Variants in ADGB observed in about 807,000 individuals in gnomAD.
ADGB encodes calpain-7-like protein.
A neutral mutation model predicts 210.5 loss-of-function variants in ADGB; 172 were observed. That is an observed-to-expected ratio of 0.82 (90% CI 0.72 to 0.93). ADGB has a LOEUF of 0.93. Ranked by LOEUF, ADGB falls within the 40% of genes least tolerant of loss-of-function variation. The pLI, the probability that ADGB is intolerant of heterozygous loss-of-function variation, is 0.00. For synonymous variants in ADGB, 658 were observed against 662.7 expected (o/e 0.99, Z 0.11); for missense variants, 2,025 against 1,964.8 (o/e 1.03, Z -0.58).
At chr6:146,688,527 A>G (rs1221438154) in intron 10 of ADGB, among the ~76,000 whole-genome samples, 1 of 152,148 alleles carries the variant, frequency 6.6e-6, no homozygotes, top group African/African-American at 2.4e-5. Context: ...GAGAAGACTT[A>G]AAGGCAGCTT....
At chr6:146,693,179 G>A (rs576472874) in intron 12 of ADGB, among the ~76,000 whole-genome samples, 1 of 152,256 alleles carries the variant, frequency 6.6e-6, no homozygotes, top group African/African-American at 2.4e-5. Context: ...AAATTCATAG[G>A]TTAAAGTTCT....
At chr6:146,659,232 G>A (rs114034604) in intron 5 of ADGB, among the ~76,000 whole-genome samples, 1 of 151,980 alleles carries the variant, frequency 6.6e-6, no homozygotes, top group Admixed American at 6.6e-5. Context: ...TCTGTCATTT[G>A]CTTCTCTCTG....
At chr6:146,701,294 G>A (rs899741447) in intron 13 of ADGB, among the ~76,000 whole-genome samples, 9 of 151,882 alleles carry the variant, frequency 5.9e-5, no homozygotes, top group African/African-American at 1.7e-4. Flanking sequence ...ATTTTCTGTC[G>A]GCCACTCAGA....
chr6:146,660,736 G>A (rs920901057), intron 5 of ADGB, among the ~76,000 whole-genome samples: 3 of 151,852 alleles, frequency 2.0e-5, no homozygotes, highest in Admixed American at 1.3e-4. Context: ...CCATTTGTAC[G>A]GACTTCTTTT....
At chr6:146,679,462 T>C (rs1776128881) in intron 9 of ADGB, among the ~76,000 whole-genome samples, 1 of 152,196 alleles carries the variant, frequency 6.6e-6, no homozygotes, top group African/African-American at 2.4e-5. Flanking sequence ...AACTGCGATA[T>C]AAACTCCACT....
intron 16 of ADGB, among the ~76,000 whole-genome samples, chr6:146,719,943 T>C (rs1776790498): frequency 6.6e-6 from 1 of 152,204 alleles, no homozygotes; most frequent in African/African-American, 2.4e-5. Context: ...GGAGTAAACA[T>C]TTAAGTCATG....
At chr6:146,692,439 C>A (rs1168437755) in intron 11 of ADGB, among the ~76,000 whole-genome samples, 1 of 152,112 alleles carries the variant, frequency 6.6e-6, no homozygotes, top group East Asian at 1.9e-4. Context: ...ACATTTCCTC[C>A]TTATATCCTA....
intron 3 of ADGB, among the ~76,000 whole-genome samples, chr6:146,646,599 C>T (rs1313584452): frequency 6.6e-6 from 1 of 152,046 alleles, no homozygotes; most frequent in Non-Finnish European, 1.5e-5. Context: ...GAAAAGAAAC[C>T]TTTCAGTGGG....
intron 11 of ADGB, 142 bp downstream of exon 11, chr6:146,691,432 A>ATATATT (rs1776310730): frequency 5.8e-5 from 2 of 34,358 alleles, no homozygotes; most frequent in Non-Finnish European, 9.0e-5. Flanking sequence ...ATATATATAT[A>ATATATT]TATATATATA....
chr6:146,664,162 G>T (rs1775904995), intron 5 of ADGB, 39 bp from the exon 6 acceptor site: 2 of 1,504,712 alleles, frequency 1.3e-6, no homozygotes, highest in Non-Finnish European at 1.8e-6. Context: ...AAGACTGTAA[G>T]CCATTGATGG....
intron 29 of ADGB, among the ~76,000 whole-genome samples, chr6:146,780,597 CA>C (rs1383161611): frequency 2.0e-5 from 3 of 151,022 alleles, no homozygotes; most frequent in Non-Finnish European, 4.4e-5. Context: ...TTAATAGAGA[CA>C]AAAAAAAGAT....
Position 146,740,385 on chromosome 6 carries a change from T to C in ADGB, c.2889-74T>C, listed in dbSNP as rs1282329640. ...CAATATCTTATACTATTTTTTGTCA[T>C]TTCTTTTTGTAAATAGAGTTTATCT... On this transcript the variant is annotated intron_variant, in intron 23 of 35. Transcript: ENST00000397944. 3.8e-6 allele frequency: 5 copies of C among 1,310,180 alleles called. No individual in the cohort carries two copies. The African/African-American group carries it at 6.0e-5, about 16-fold the overall frequency. 81.2% of individuals were successfully genotyped at this position (1,310,180 alleles called of 1,614,324 possible). A position where few individuals can be genotyped will look rare whatever the true frequency, so the allele number is the denominator to read the frequency against.
At chr6:146,650,397 C>T (rs1004861565) in intron 3 of ADGB, among the ~76,000 whole-genome samples, 1 of 151,806 alleles carries the variant, frequency 6.6e-6, no homozygotes, top group Non-Finnish European at 1.5e-5. Flanking sequence ...GAAGACTCTC[C>T]TTAACTCTAT....
At chr6:146,673,720 A>G (rs563805560) in intron 8 of ADGB, among the ~76,000 whole-genome samples, 1 of 152,322 alleles carries the variant, frequency 6.6e-6, no homozygotes, top group South Asian at 2.1e-4. Context: ...GCAGAGCAAG[A>G]TAGATGGTGG....
chr6:146,644,814 A>G lies in ADGB; in HGVS notation c.279A>G (p.Pro93=), dbSNP rs1229821919. ...EDPEGKIELP[P]SLKIYSWKRP... Reference sequence around the variant, plus strand: ...CTGAAGGAAAGATTGAGTTACCACCATCCTTGAAAATTTATTCCTGGAAAC... The same window carrying G: ...CTGAAGGAAAGATTGAGTTACCACCGTCCTTGAAAATTTATTCCTGGAAAC... Residue 93 remains proline, a synonymous_variant, in exon 3 of 36, where the codon CCA becomes CCG. Coordinates refer to ENST00000397944, the MANE Select transcript of ADGB (RefSeq NM_024694.4). 6.7e-7 allele frequency: 1 copy of G among 1,493,132 alleles called. No homozygotes were observed. The highest frequency in any genetic ancestry group is 8.9e-7 in the Non-Finnish European group (1 of 1,121,168). The allele number at this position is 1,493,132 out of a possible 1,614,324, so 92.5% of individuals were successfully genotyped here. A position where few individuals can be genotyped will look rare whatever the true frequency, so the allele number is the denominator to read the frequency against.
At chr6:146,700,913 GAA>G in intron 12 of ADGB, 26 bp from the exon 13 acceptor site, 1 of 1,533,610 alleles carries the variant, frequency 6.5e-7, no homozygotes, top group Non-Finnish European at 8.8e-7. Flanking sequence ...CAAAATAACA[GAA>G]GTTTGGGGTT....
At chr6:146,666,714 T>A in intron 6 of ADGB, 102 bp from the exon 7 acceptor site, 1 of 625,584 alleles carries the variant, frequency 1.6e-6, no homozygotes, top group Non-Finnish European at 2.7e-6. Context: ...CTATAATGAA[T>A]AATCAGAATA....
At chr6:146,798,471 C>A (rs1055771718) in intron 33 of ADGB, among the ~76,000 whole-genome samples, 2 of 152,116 alleles carry the variant, frequency 1.3e-5, no homozygotes, top group African/African-American at 4.8e-5. Context: ...AAACATCATA[C>A]TTAAAGGTGA....
chr6:146,789,089 G>A (rs1255603533), intron 33 of ADGB, among the ~76,000 whole-genome samples: 1 of 152,152 alleles, frequency 6.6e-6, no homozygotes, highest in Non-Finnish European at 1.5e-5. Context: ...ATTCATATCT[G>A]TTCACTAAAC....
Sources: allele counts gnomAD v4.1 joint callset (sites outside exome capture counted in the v4.1 genomes callset), GRCh38; gene constraint gnomAD v4.1.1; transcripts MANE v1.5; gene names NCBI Gene and HGNC (gene_info 2026-07-23, HGNC 2026-07-21).